The following DRC11 variants were observed in gnomAD, a reference collection of about 807,000 sequenced individuals.
DRC11 encodes the protein IQ and AAA domain-containing protein 1.
At chr2:236,397,687 T>C in the DRC11 span, among the ~76,000 whole-genome samples, 3 of 152,200 alleles carry the variant, frequency 2.0e-5, no homozygotes, top group Non-Finnish European at 4.4e-5. This position sits in a 1 kb window ranked among gnomAD's most constrained non-coding sequence, Gnocchi z 5.0. Context: ...GAGTCTTAGA[T>C]GGGATGTTGT....
At chr2:236,486,547 T>C in the DRC11 span, among the ~76,000 whole-genome samples, 1 of 151,666 alleles carries the variant, frequency 6.6e-6, no homozygotes, top group African/African-American at 2.4e-5. This position sits in a 1 kb window ranked among gnomAD's most constrained non-coding sequence, Gnocchi z 5.7. Context: ...AATATAGTGG[T>C]GTGCACTGCT....
the DRC11 span, among the ~76,000 whole-genome samples, chr2:236,342,059 G>A: frequency 6.6e-4 from 101 of 152,258 alleles, no homozygotes; most frequent in African/African-American, 2.3e-3. The surrounding 1 kb of genome is among the most constrained non-coding windows in gnomAD (Gnocchi z 5.8). Flanking sequence ...CCCAATCCCC[G>A]GGTGAGCTTC....
At chr2:236,309,557 C>T in the DRC11 span, among the ~76,000 whole-genome samples, 4 of 152,124 alleles carry the variant, frequency 2.6e-5, no homozygotes, top group African/African-American at 9.7e-5. The surrounding 1 kb of genome is among the most constrained non-coding windows in gnomAD (Gnocchi z 5.7). Context: ...AATATTTGTC[C>T]AACATTTACT....
the DRC11 span, among the ~76,000 whole-genome samples, chr2:236,459,835 T>C: frequency 6.6e-5 from 10 of 152,042 alleles, no homozygotes; most frequent in South Asian, 2.1e-3. Flanking sequence ...ACAACGAACA[T>C]TACTTTTAAC....
chr2:236,413,554 C>A, the DRC11 span, among the ~76,000 whole-genome samples: 1 of 152,126 alleles, frequency 6.6e-6, no homozygotes, highest in African/African-American at 2.4e-5. This position sits in a 1 kb window ranked among gnomAD's most constrained non-coding sequence, Gnocchi z 4.0. Flanking sequence ...CTTAATGGTT[C>A]AATTTGGAGC....
At chr2:236,355,811 T>C in the DRC11 span, among the ~76,000 whole-genome samples, 35 of 152,236 alleles carry the variant, frequency 2.3e-4, no homozygotes, top group African/African-American at 8.2e-4. Context: ...TCTGGGTTAT[T>C]AATCAGGAAG....
At chr2:236,497,899 G>A in the DRC11 span, among the ~76,000 whole-genome samples, 5 of 152,188 alleles carry the variant, frequency 3.3e-5, no homozygotes, top group African/African-American at 1.2e-4. The surrounding 1 kb of genome is among the most constrained non-coding windows in gnomAD (Gnocchi z 5.1). Flanking sequence ...TTATTAAGTT[G>A]AACGTGTGCA....
At chr2:236,314,256 T>C in the DRC11 span, among the ~76,000 whole-genome samples, 2 of 152,206 alleles carry the variant, frequency 1.3e-5, no homozygotes, top group South Asian at 4.1e-4. This position sits in a 1 kb window ranked among gnomAD's most constrained non-coding sequence, Gnocchi z 4.5. Flanking sequence ...GAAAGTTATG[T>C]GATCATCTCC....
chr2:236,495,463 T>C, the DRC11 span, among the ~76,000 whole-genome samples: 1 of 152,248 alleles, frequency 6.6e-6, no homozygotes, highest in African/African-American at 2.4e-5. The surrounding 1 kb of genome is among the most constrained non-coding windows in gnomAD (Gnocchi z 5.6). Context: ...TGTCCATCCC[T>C]GAAACCTTGA....
the DRC11 span, chr2:236,380,625 C>A: frequency 6.5e-7 from 1 of 1,550,386 alleles, no homozygotes; most frequent in South Asian, 1.2e-5. The surrounding 1 kb of genome is among the most constrained non-coding windows in gnomAD (Gnocchi z 4.9). Context: ...TTTTGCCTTT[C>A]TTTCCTTTCT....
At chr2:236,359,619 A>G in the DRC11 span, among the ~76,000 whole-genome samples, 2 of 152,108 alleles carry the variant, frequency 1.3e-5, no homozygotes, top group Admixed American at 6.5e-5. The surrounding 1 kb of genome is among the most constrained non-coding windows in gnomAD (Gnocchi z 4.3). Flanking sequence ...GCTGCTCTTG[A>G]GCCACAGCCC....
At chr2:236,392,350 T>C in the DRC11 span, 2 of 1,552,194 alleles carry the variant, frequency 1.3e-6, no homozygotes, top group African/African-American at 1.4e-5. The surrounding 1 kb of genome is among the most constrained non-coding windows in gnomAD (Gnocchi z 5.1). Flanking sequence ...CATCCAGATT[T>C]CTACACTCCA....
At chr2:236,506,680 T>C in the DRC11 span, among the ~76,000 whole-genome samples, 1 of 152,208 alleles carries the variant, frequency 6.6e-6, no homozygotes, top group South Asian at 2.1e-4. This position sits in a 1 kb window ranked among gnomAD's most constrained non-coding sequence, Gnocchi z 4.9. Context: ...GTTAGAACAG[T>C]GTCTACAGGG....
At chr2:236,439,673 A>C in the DRC11 span, among the ~76,000 whole-genome samples, 2 of 152,160 alleles carry the variant, frequency 1.3e-5, no homozygotes, top group East Asian at 3.8e-4. Flanking sequence ...TAAAATTATC[A>C]CTTTAAAATA....
the DRC11 span, among the ~76,000 whole-genome samples, chr2:236,376,117 C>T: frequency 3.9e-5 from 6 of 152,170 alleles, no homozygotes; most frequent in Non-Finnish European, 8.8e-5. This position sits in a 1 kb window ranked among gnomAD's most constrained non-coding sequence, Gnocchi z 5.7. Flanking sequence ...TTAAGTGCCC[C>T]CAGTGGGAAA....
At chr2:236,448,215 A>C in the DRC11 span, among the ~76,000 whole-genome samples, 1 of 152,086 alleles carries the variant, frequency 6.6e-6, no homozygotes, top group Non-Finnish European at 1.5e-5. The surrounding 1 kb of genome is among the most constrained non-coding windows in gnomAD (Gnocchi z 5.3). Context: ...AAAGATACAC[A>C]CCTCAGTAAG....
At chr2:236,360,994 TATC>T in the DRC11 span, among the ~76,000 whole-genome samples, 1 of 152,094 alleles carries the variant, frequency 6.6e-6, no homozygotes, top group Non-Finnish European at 1.5e-5. This position sits in a 1 kb window ranked among gnomAD's most constrained non-coding sequence, Gnocchi z 5.8. Context: ...CAATAAGAAT[TATC>T]AATCAGATGA....
chr2:236,385,208 G>A, the DRC11 span, among the ~76,000 whole-genome samples: 1 of 150,692 alleles, frequency 6.6e-6, no homozygotes, highest in South Asian at 2.1e-4. Context: ...AAAGTCATTG[G>A]TAGCTTTATG....
the DRC11 span, among the ~76,000 whole-genome samples, chr2:236,474,238 T>C: frequency 6.6e-6 from 1 of 152,050 alleles, no homozygotes; most frequent in Non-Finnish European, 1.5e-5. Context: ...CTGAAGAAAG[T>C]CACATTGAAT....
Sources: allele counts gnomAD v4.1 joint callset (sites outside exome capture counted in the v4.1 genomes callset), GRCh38; gene constraint gnomAD v4.1.1; non-coding constraint Gnocchi (gnomAD v3.1); transcripts MANE v1.5; gene names NCBI Gene and HGNC (gene_info 2026-07-23, HGNC 2026-07-21).